TMEM87A: variants seen among roughly 807,000 people sequenced by gnomAD.
The protein encoded by TMEM87A is Golgi-pH regulating cation channel.
In TMEM87A, 50 loss-of-function variants were observed where a neutral mutation model predicts 90.0. The ratio of observed to expected loss-of-function variants is 0.56; its 90% confidence interval spans 0.44 to 0.70. The LOEUF is 0.70. TMEM87A is among the 30% of genes least tolerant of loss of function. TMEM87A has a pLI of 0.00. For missense variants in TMEM87A, 577 were observed against 660.5 expected, an observed-to-expected ratio of 0.87 and a Z score of 1.39; for synonymous variants, 226 against 226.7, an observed-to-expected ratio of 1.00 and a Z score of 0.03.
chr15:42,242,908 A>G (rs1407527238), intron 7 of TMEM87A, among the ~76,000 whole-genome samples: 1 of 152,162 alleles, frequency 6.6e-6, no homozygotes, highest in Non-Finnish European at 1.5e-5. Context: ...ACAGCCAGTA[A>G]AGTCAGGAGC....
At chr15:42,261,930 G>A (rs922802508) in intron 4 of TMEM87A, among the ~76,000 whole-genome samples, 7 of 152,054 alleles carry the variant, frequency 4.6e-5, no homozygotes, top group African/African-American at 1.7e-4. Flanking sequence ...CACCGCGCCC[G>A]GCCTAAACCT....
At chr15:42,271,450 T>C (rs1458913539) in intron 2 of TMEM87A, 1 of 152,230 alleles carries the variant, frequency 6.6e-6, no homozygotes, top group African/African-American at 2.4e-5. Context: ...ATTCACTACA[T>C]AACATTTCAG....
At chr15:42,231,397 G>A in intron 11 of TMEM87A, 137 bp from the exon 12 acceptor site, 1 of 580,776 alleles carries the variant, frequency 1.7e-6, no homozygotes, top group Non-Finnish European at 2.9e-6. Flanking sequence ...AAGAACATTT[G>A]ACACCTAATC....
intron 6 of TMEM87A, chr15:42,258,042 G>A: frequency 1.0e-6 from 1 of 972,792 alleles, no homozygotes; most frequent in Non-Finnish European, 1.2e-6. Flanking sequence ...AAAAGCAAAT[G>A]TAGTTAAAAT....
Position 42,218,390 on chromosome 15 carries a change from C to CA in TMEM87A, c.1540-13dup, listed in dbSNP as rs747219097. 6.2e-7 allele frequency: 1 copy of CA among 1,613,050 alleles called. No homozygotes were observed. The highest frequency in any genetic ancestry group is 1.7e-5 in the Admixed American group (1 of 59,996). On this transcript the variant is annotated splice_polypyrimidine_tract_variant and intron_variant, in intron 17 of 19. Coordinates refer to ENST00000389834, the MANE Select transcript of TMEM87A (RefSeq NM_015497.5). The stretch of plus-strand genomic sequence containing the variant: ...AAATCATCTTCCTGCTGGGAACATA[C>CA]AAATACCACTCATTACTAAAATGCA...
chr15:42,225,204 G>A (rs985630715), intron 15 of TMEM87A, among the ~76,000 whole-genome samples: 4 of 151,932 alleles, frequency 2.6e-5, no homozygotes, highest in Non-Finnish European at 5.9e-5. Flanking sequence ...CTTTCATTGG[G>A]TCTGGTTATA....
At chr15:42,223,755 C>T (rs950668090) in intron 15 of TMEM87A, among the ~76,000 whole-genome samples, 2 of 151,880 alleles carry the variant, frequency 1.3e-5, no homozygotes, top group African/African-American at 4.8e-5. Flanking sequence ...GATCAATAAG[C>T]CAATAAAAAA....
intron 8 of TMEM87A, 98 bp downstream of exon 8, chr15:42,239,571 AG>A: frequency 9.7e-7 from 1 of 1,027,210 alleles, no homozygotes; most frequent in Non-Finnish European, 1.5e-6. Context: ...TGAATTGCAC[AG>A]GAACAATTCA....
At chr15:42,237,932 T>C (rs1015659740) in intron 8 of TMEM87A, among the ~76,000 whole-genome samples, 1 of 152,190 alleles carries the variant, frequency 6.6e-6, no homozygotes, top group Non-Finnish European at 1.5e-5. Flanking sequence ...GAAAGCATTA[T>C]CTTGTCTTGA....
chr15:42,221,060 C>T (rs901187717), intron 15 of TMEM87A, among the ~76,000 whole-genome samples: 2 of 152,080 alleles, frequency 1.3e-5, no homozygotes, highest in South Asian at 2.1e-4. Flanking sequence ...TCAGGTGATC[C>T]GCCTGCCTCA....
chr15:42,266,170 G>A (rs897014106), intron 3 of TMEM87A, among the ~76,000 whole-genome samples: 5 of 152,166 alleles, frequency 3.3e-5, no homozygotes, highest in African/African-American at 4.8e-5. Context: ...CAACGCTCAA[G>A]TATTCTAGAT....
intron 12 of TMEM87A, 84 bp downstream of exon 12, chr15:42,231,108 A>G: frequency 1.5e-6 from 2 of 1,333,766 alleles, no homozygotes; most frequent in Non-Finnish European, 2.1e-6. Flanking sequence ...AAAACTGATA[A>G]AAACTCTTTG....
Position 42,237,399 on chromosome 15 carries a change from A to G in TMEM87A, c.868+33T>C, listed in dbSNP as rs372870744. 1.9e-6 allele frequency: 3 copies of G among 1,607,602 alleles called. No individual in the cohort carries two copies. In the African/African-American group the frequency reaches 4.0e-5, roughly 22 times the overall value. On this transcript the variant is annotated intron_variant, in intron 9 of 19. Transcript: ENST00000389834. ...TTTTCATACATCTCACCTTCCAACC[A>G]CTCGAACTGGCAAAGATTTTCTGGT...
intron 5 of TMEM87A, 78 bp downstream of exon 5, chr15:42,261,118 G>C: frequency 6.4e-7 from 1 of 1,553,710 alleles, no homozygotes; most frequent in African/African-American, 1.4e-5. Flanking sequence ...CCTCCTTAGA[G>C]ATGCAGTGAG....
intron 6 of TMEM87A, among the ~76,000 whole-genome samples, chr15:42,256,746 G>A (rs1381476209): frequency 6.6e-6 from 1 of 152,108 alleles, no homozygotes; most frequent in Non-Finnish European, 1.5e-5. Flanking sequence ...TTTTAGAGAC[G>A]AGGTATGGCT....
In TMEM87A at chr15:42,236,424, G is replaced by GA. The variant is rs1236194124; in HGVS notation, c.869-6dup. 1 of 1,613,316 alleles carries GA rather than the reference G, an allele frequency of 6.2e-7. No homozygotes were observed. The highest frequency in any genetic ancestry group is 1.7e-5 in the Admixed American group (1 of 59,972). ...CAAGGATCAAAGCACCCTGGACTAT[G>GA]AAAAAGAAGGGAAGAAATGGCACCA... On this transcript the variant is annotated splice_region_variant and splice_polypyrimidine_tract_variant and intron_variant, in intron 9 of 19. Coordinates refer to ENST00000389834, the MANE Select transcript of TMEM87A (RefSeq NM_015497.5).
At chr15:42,224,268 G>A (rs2050549346) in intron 15 of TMEM87A, 1 of 152,220 alleles carries the variant, frequency 6.6e-6, no homozygotes, top group South Asian at 2.1e-4. Context: ...TTGAGCCCCA[G>A]TAAAAACTCT....
intron 6 of TMEM87A, among the ~76,000 whole-genome samples, chr15:42,259,822 CAG>C (rs2051254630): frequency 6.6e-6 from 1 of 152,142 alleles, no homozygotes; most frequent in Non-Finnish European, 1.5e-5. Context: ...AAAGTTGAGA[CAG>C]AGTGTAAACT....
At chr15:42,273,158 T>C (rs2051586200) in intron 1 of TMEM87A, 97 bp downstream of exon 1, 8 of 1,495,016 alleles carry the variant, frequency 5.4e-6, no homozygotes, top group East Asian at 2.3e-5. Context: ...CCACCCCTTT[T>C]GAAGAGACTT....
Sources: allele counts gnomAD v4.1 joint callset (sites outside exome capture counted in the v4.1 genomes callset), GRCh38; gene constraint gnomAD v4.1.1; transcripts MANE v1.5; gene names NCBI Gene and HGNC (gene_info 2026-07-23, HGNC 2026-07-21).